Variants in GRB2 observed in about 807,000 individuals in gnomAD.
GRB2 encodes growth factor receptor-bound protein 2.
Under a neutral mutation model 27.4 loss-of-function variants are expected in GRB2, and 2 were observed. The observed-to-expected ratio is 0.07, with a 90% CI of 0.03 to 0.23. The LOEUF (loss-of-function observed/expected upper bound fraction) is 0.23. Ranked by LOEUF, GRB2 falls within the 10% of genes least tolerant of loss-of-function variation. GRB2 has a pLI of 1.00. For synonymous variants in GRB2, 94 were observed against 99.6 expected, an observed-to-expected ratio of 0.94 and a Z score of 0.33; for missense variants, 102 against 282.4, an observed-to-expected ratio of 0.36 and a Z score of 4.58.
chr17:75,326,167 C>T (rs961380775), intron 3 of GRB2, 147 bp from the exon 4 acceptor site: 1 of 878,942 alleles, frequency 1.1e-6, no homozygotes. Context: ...CCAAGATCGA[C>T]ACTGGGTTGG....
rs1355100758 is a variant in GRB2, at chr17:75,388,604, CT to C, written c.78+4946del. Reference sequence around the variant, plus strand: ...ATAGTGGGGGGGGGGAAGAAAAACACTTTTTTTTTTTTTTAATTTGGAGATG... The same window carrying C: ...ATAGTGGGGGGGGGGAAGAAAAACACTTTTTTTTTTTTTAATTTGGAGATG... On this transcript the variant is annotated intron_variant, in intron 2 of 5. Transcript: ENST00000316804. Among the ~76,000 whole-genome samples the C allele has an allele frequency of 8.8e-3, 1,227 of 139,372 alleles. 7 individuals carry two copies. The highest frequency in any genetic ancestry group is 0.012 in the Non-Finnish European group (763 of 63,772). The allele number at this position is 139,372 out of a possible 152,430, so 91.4% of individuals were successfully genotyped here.
intron 2 of GRB2, among the ~76,000 whole-genome samples, chr17:75,334,315 C>T (rs989278177): frequency 8.6e-5 from 13 of 151,974 alleles, no homozygotes; most frequent in African/African-American, 2.7e-4. Context: ...GGACTACAGG[C>T]GCCTGCCACC....
chr17:75,381,506 C>T (rs1235498888), intron 2 of GRB2, among the ~76,000 whole-genome samples: 1 of 151,666 alleles, frequency 6.6e-6, no homozygotes, highest in African/African-American at 2.4e-5. Flanking sequence ...ATCATGAGGT[C>T]AGGAGTTCGA....
intron 2 of GRB2, among the ~76,000 whole-genome samples, chr17:75,357,631 C>A (rs2078741814): frequency 6.6e-6 from 1 of 152,178 alleles, no homozygotes; most frequent in Non-Finnish European, 1.5e-5. Flanking sequence ...ATGCTTAAAA[C>A]TGAGGCAGGC....
intron 2 of GRB2, among the ~76,000 whole-genome samples, chr17:75,382,309 T>C (rs1358733077): frequency 6.6e-6 from 1 of 152,076 alleles, no homozygotes; most frequent in Non-Finnish European, 1.5e-5. Context: ...AAGAATAAAT[T>C]AGTTGAAAAT....
rs543172671 is a variant in GRB2, at chr17:75,320,891, A to T, written c.469-338T>A. Among the ~76,000 whole-genome samples the T allele has an allele frequency of 1.1e-3, 162 of 152,296 alleles. No individual in the cohort carries two copies. The highest frequency in any genetic ancestry group is 3.8e-3 in the African/African-American group (156 of 41,568). On this transcript the variant is annotated intron_variant, in intron 5 of 5. Coordinates refer to ENST00000316804, the MANE Select transcript of GRB2 (RefSeq NM_002086.5). The surrounding 1 kb of genome is among the most constrained non-coding windows in gnomAD (Gnocchi z 4.3). ...ATCTGTGTTTAGGCCGTGGGCCCAGAATCGCAAATCCCTTCTACGACACCC... is the reference window on the plus strand; with the variant it reads ...ATCTGTGTTTAGGCCGTGGGCCCAGTATCGCAAATCCCTTCTACGACACCC...
intron 2 of GRB2, among the ~76,000 whole-genome samples, chr17:75,364,309 GA>G (rs979496545): frequency 1.3e-5 from 2 of 152,200 alleles, no homozygotes; most frequent in African/African-American, 4.8e-5. Flanking sequence ...ACATGTTTGA[GA>G]AATGAGTTAG....
intron 1 of GRB2, among the ~76,000 whole-genome samples, chr17:75,396,524 T>C (rs554284661): frequency 1.4e-4 from 21 of 152,228 alleles, no homozygotes; most frequent in Non-Finnish European, 2.6e-4. Context: ...TGCTACAATT[T>C]TGGGCAAACT....
At chr17:75,363,630 AG>A (rs200202206) in intron 2 of GRB2, among the ~76,000 whole-genome samples, 1,197 of 85,104 alleles carry the variant, frequency 0.014, 20 homozygotes, top group African/African-American at 0.029. Flanking sequence ...GAGGCCGAGG[AG>A]GGTGGATCAC....
rs924063240 is a variant in GRB2 at position 75,320,036 on chromosome 17, C to T, written c.*332G>A. 2.7e-5 allele frequency: 5 copies of T among 188,506 alleles called. No homozygotes were observed. The highest frequency in any genetic ancestry group is 1.1e-4 in the Admixed American group (2 of 18,168). 11.7% of individuals were successfully genotyped at this position (188,506 alleles called of 1,614,324 possible). Reference sequence around the variant, plus strand: ...TTGGTTTCTTGTTTTTTATTATTGGCGTCAGCTAGGACTATACGTGGCCTT... The same window carrying T: ...TTGGTTTCTTGTTTTTTATTATTGGTGTCAGCTAGGACTATACGTGGCCTT... On this transcript the variant is annotated 3_prime_UTR_variant, in exon 6 of 6. Transcript: ENST00000316804. This position sits in a 1 kb window ranked among gnomAD's most constrained non-coding sequence, Gnocchi z 4.3.
At chr17:75,352,387 A>C (rs1185935500) in intron 2 of GRB2, among the ~76,000 whole-genome samples, 3 of 152,222 alleles carry the variant, frequency 2.0e-5, no homozygotes, top group Non-Finnish European at 2.9e-5. Flanking sequence ...AAGACGGCTA[A>C]ATGATAGGAT....
intron 2 of GRB2, among the ~76,000 whole-genome samples, chr17:75,383,999 A>G (rs2078946538): frequency 6.6e-6 from 1 of 152,164 alleles, no homozygotes; most frequent in Non-Finnish European, 1.5e-5. Context: ...CCAAGATCGC[A>G]ATGCCCGATC....
chr17:75,375,736 T>C (rs987210980), intron 2 of GRB2, among the ~76,000 whole-genome samples: 1 of 151,828 alleles, frequency 6.6e-6, no homozygotes, highest in African/African-American at 2.4e-5. Context: ...CAAAAAGTAC[T>C]GGGGACTGGC....
intron 2 of GRB2, chr17:75,373,857 A>C (rs2078873135): frequency 7.6e-6 from 1 of 132,148 alleles, no homozygotes; most frequent in Admixed American, 9.3e-5. Context: ...GCCCAGGCAC[A>C]ATCTCGGCTC....
intron 2 of GRB2, among the ~76,000 whole-genome samples, chr17:75,336,396 G>C (rs2078577086): frequency 6.6e-6 from 1 of 152,152 alleles, no homozygotes; most frequent in African/African-American, 2.4e-5. Flanking sequence ...GACTGACAAA[G>C]AGCTGCTTGT....
At chr17:75,364,987 T>C (rs1215939078) in intron 2 of GRB2, among the ~76,000 whole-genome samples, 1 of 152,166 alleles carries the variant, frequency 6.6e-6, no homozygotes, top group Non-Finnish European at 1.5e-5. Flanking sequence ...AACATCGAAA[T>C]TGTTTTTATT....
intron 2 of GRB2, among the ~76,000 whole-genome samples, chr17:75,382,989 G>GT (rs574178323): frequency 4.1e-4 from 62 of 152,276 alleles, no homozygotes; most frequent in African/African-American, 1.4e-3. Context: ...GATTACAGGC[G>GT]TGAGCCACTG....
chr17:75,366,007 T>G (rs2078816779), intron 2 of GRB2, among the ~76,000 whole-genome samples: 1 of 152,192 alleles, frequency 6.6e-6, no homozygotes, highest in African/African-American at 2.4e-5. Context: ...AAAACACATG[T>G]AAACATAACA....
intron 2 of GRB2, among the ~76,000 whole-genome samples, chr17:75,359,076 G>A (rs867904474): frequency 2.7e-5 from 4 of 146,196 alleles, no homozygotes; most frequent in Admixed American, 6.8e-5. Context: ...TTAGCTCGGT[G>A]TGGTGGCACA....
Sources: gnomAD v4.1 joint callset for allele counts (sites outside exome capture counted in the v4.1 genomes callset) on GRCh38, gnomAD v4.1.1 for gene constraint, Gnocchi (gnomAD v3.1) non-coding constraint, MANE v1.5 for transcripts, NCBI Gene and HGNC (gene_info 2026-07-23, HGNC 2026-07-21) for gene names.